WBP1L: variants seen among roughly 807,000 people sequenced by gnomAD.
The protein encoded by WBP1L is WW domain binding protein 1 like, also known as WW domain binding protein 1-like.
WBP1L carries 17 observed loss-of-function variants against 33.7 expected under a neutral mutation model. The observed-to-expected ratio is 0.50, with a 90% CI of 0.34 to 0.76. The LOEUF is 0.76. WBP1L is among the 30% of genes least tolerant of loss of function. WBP1L has a pLI of 0.01. For synonymous variants in WBP1L, 173 were observed against 190.8 expected (o/e 0.91, Z 0.77); for missense variants, 389 against 469.4 (o/e 0.83, Z 1.58).
chr10:102,760,664 C>T (rs1011242872), intron 1 of WBP1L, among the ~76,000 whole-genome samples: 8 of 151,742 alleles, frequency 5.3e-5, no homozygotes, highest in Non-Finnish European at 1.0e-4. Flanking sequence ...CGTGAGCCAC[C>T]GTGCCTGGCC....
At chr10:102,764,895 G>T (rs1390345971) in intron 1 of WBP1L, among the ~76,000 whole-genome samples, 3 of 152,180 alleles carry the variant, frequency 2.0e-5, no homozygotes, top group African/African-American at 7.2e-5. Flanking sequence ...TCCAGGTGTT[G>T]CTAATGGAGG....
At chr10:102,808,154 T>C (rs1041666929) in intron 2 of WBP1L, among the ~76,000 whole-genome samples, 4 of 152,158 alleles carry the variant, frequency 2.6e-5, no homozygotes, top group Non-Finnish European at 5.9e-5. Flanking sequence ...TACTCCATCC[T>C]GGGTGACAGA....
intron 1 of WBP1L, among the ~76,000 whole-genome samples, chr10:102,760,946 G>A (rs1378214344): frequency 1.3e-5 from 2 of 152,014 alleles, no homozygotes; most frequent in Non-Finnish European, 2.9e-5. Context: ...GAGTGCAGTG[G>A]CACAATCTCG....
chr10:102,804,882 C>A (rs975333251), intron 2 of WBP1L, among the ~76,000 whole-genome samples: 1 of 152,122 alleles, frequency 6.6e-6, no homozygotes, highest in Non-Finnish European at 1.5e-5. Flanking sequence ...TCAAGCCTAC[C>A]CACATGCCTA....
chr10:102,744,441 T>G, intron 1 of WBP1L: 1 of 985,294 alleles, frequency 1.0e-6, no homozygotes. Context: ...GCTGAGGATG[T>G]GGGCCTTATT....
At chr10:102,809,299 A>C (rs1843790521) in intron 2 of WBP1L, among the ~76,000 whole-genome samples, 1 of 151,684 alleles carries the variant, frequency 6.6e-6, no homozygotes, top group Non-Finnish European at 1.5e-5. Flanking sequence ...GCTGGTCTTG[A>C]ACTCCTGACC....
At position 102,798,111 on chromosome 10, in the gene WBP1L, G is replaced by T. The variant is rs753054701; in HGVS notation, c.193+16G>T. On this transcript the variant is annotated intron_variant, in intron 2 of 3. Coordinates refer to ENST00000448841, the MANE Select transcript of WBP1L (RefSeq NM_001083913.2). ...GAACTCTGGTGTAAGTCCTTGCTTG[G>T]GTGCCTCTCAGTATCCCAGGGTCCC... 1.9e-6 allele frequency: 3 copies of T among 1,611,126 alleles called. No individual in the cohort carries two copies. Among genetic ancestry groups the T allele is most frequent in the Middle Eastern group, 1.7e-4 (1 of 6,048 alleles).
chr10:102,809,842 C>T, intron 2 of WBP1L, 51 bp from the exon 3 acceptor site: 1 of 1,554,338 alleles, frequency 6.4e-7, no homozygotes, highest in African/African-American at 1.4e-5. Context: ...AGCTGCCCCT[C>T]TGGCTGGTAC....
rs111703996 is a variant in WBP1L, at chr10:102,798,032, A to C, written c.130A>C (p.Ile44Leu). The change falls in exon 2 of 4, where the codon ATC becomes CTC. Residue 44 changes from isoleucine (I) to leucine (L), a missense_variant. Coordinates refer to ENST00000448841, the MANE Select transcript of WBP1L (RefSeq NM_001083913.2). The stretch of plus-strand genomic sequence containing the variant: ...TGTGGGTACCAACAATCAAAGCTAC[A>C]TCTGTGACACAGGACACTGCTGTGG... The part of the protein sequence containing the change: ...ACVGTNNQSY[I>L]CDTGHCCGQS... The C allele has an allele frequency of 6.2e-7, 1 of 1,614,180 alleles. No individual in the cohort carries two copies. Among genetic ancestry groups the C allele is most frequent in the Admixed American group, 1.7e-5 (1 of 60,026 alleles).
At chr10:102,744,176 G>A in intron 1 of WBP1L, 33 bp downstream of exon 1, 1 of 1,528,602 alleles carries the variant, frequency 6.5e-7, no homozygotes, top group East Asian at 2.5e-5. Flanking sequence ...GCCATGTTGG[G>A]TCCTGGGGGT....
At chr10:102,801,302 TATTC>T (rs1462344069) in intron 2 of WBP1L, among the ~76,000 whole-genome samples, 4 of 152,176 alleles carry the variant, frequency 2.6e-5, no homozygotes, top group Non-Finnish European at 5.9e-5. Flanking sequence ...TTCCATCAGT[TATTC>T]ATTCAGCAAA....
At chr10:102,775,208 C>T (rs1011522400) in intron 1 of WBP1L, among the ~76,000 whole-genome samples, 2 of 151,958 alleles carry the variant, frequency 1.3e-5, no homozygotes, top group African/African-American at 2.4e-5. Flanking sequence ...AAATCCGAAC[C>T]CAAACATGGA....
At chr10:102,798,207 G>A in intron 2 of WBP1L, 112 bp downstream of exon 2, 1 of 856,078 alleles carries the variant, frequency 1.2e-6, no homozygotes. Context: ...GACAGTGTTG[G>A]TGAGTGGAAT....
chr10:102,794,212 T>C (rs1381048662), intron 1 of WBP1L, among the ~76,000 whole-genome samples: 1 of 152,172 alleles, frequency 6.6e-6, no homozygotes, highest in Non-Finnish European at 1.5e-5. Context: ...CACTGTTCTT[T>C]GCTGTGGATT....
intron 1 of WBP1L, among the ~76,000 whole-genome samples, chr10:102,787,994 A>C (rs1215589369): frequency 6.7e-6 from 1 of 149,352 alleles, no homozygotes; most frequent in Non-Finnish European, 1.5e-5. Context: ...CAGGAGAATC[A>C]CTGGAACCTG....
chr10:102,811,011 G>A (rs547971775), intron 3 of WBP1L, among the ~76,000 whole-genome samples: 18 of 148,900 alleles, frequency 1.2e-4, no homozygotes, highest in African/African-American at 4.5e-4. Context: ...TCTCTTTAAT[G>A]GCAGATAGTC....
chr10:102,813,135 A>G lies in WBP1L; in HGVS notation c.896A>G (p.Asp299Gly). The change falls in exon 4 of 4, where the codon GAT (aspartate) becomes GGT (glycine). Residue 299 changes from aspartate (D) to glycine (G), a missense_variant. Physicochemically the swap from Asp to Gly is moderately conservative, Grantham distance 94. Coordinates refer to ENST00000448841, the MANE Select transcript of WBP1L (RefSeq NM_001083913.2). ...AACACACTCATCGATGATGCTCTGG[A>G]TGGGCCCCTGGACTTCTGCGACAGC... ...EFNTLIDDALDGPLDFCDSCH... is the reference protein window; with the variant it reads ...EFNTLIDDALGGPLDFCDSCH... 1 of 1,614,032 alleles carries G rather than the reference A, an allele frequency of 6.2e-7. No homozygotes were observed. Among genetic ancestry groups the G allele is most frequent in the Non-Finnish European group, 8.5e-7 (1 of 1,180,014 alleles).
intron 1 of WBP1L, among the ~76,000 whole-genome samples, chr10:102,782,526 C>T (rs1053090502): frequency 6.6e-6 from 1 of 151,816 alleles, no homozygotes; most frequent in African/African-American, 2.4e-5. Flanking sequence ...TTCCTTAGCA[C>T]TAGTAAGATA....
In WBP1L at chr10:102,771,372, C is replaced by T. The variant is rs549739393; in HGVS notation, c.91-26621C>T. 4.1e-4 allele frequency among the ~76,000 whole-genome samples: 62 copies of T among 152,168 alleles called. 1 individual carries two copies. In the South Asian group the frequency reaches 7.1e-3, roughly 17 times the overall value. On this transcript the variant is annotated intron_variant, in intron 1 of 3. Coordinates refer to ENST00000448841, the MANE Select transcript of WBP1L (RefSeq NM_001083913.2). ...AGGGATTCGAGACCAGCTTGGGTAA[C>T]ATAGCAAGACTCCCTATTTAAAATA...
Sources: gnomAD v4.1 joint callset for allele counts (sites outside exome capture counted in the v4.1 genomes callset) on GRCh38, gnomAD v4.1.1 for gene constraint, MANE v1.5 for transcripts, NCBI Gene and HGNC (gene_info 2026-07-23, HGNC 2026-07-21) for gene names.